The following DIAPH2 variants were observed in gnomAD, a reference collection of about 807,000 sequenced individuals.
DIAPH2 encodes the protein protein diaphanous homolog 2.
DIAPH2 carries 35 observed loss-of-function variants against 92.7 expected under a neutral mutation model. The ratio of observed to expected loss-of-function variants is 0.38; its 90% CI spans 0.29 to 0.50. DIAPH2 has a LOEUF of 0.50. Among genes scored for constraint, DIAPH2 ranks in the 20% least tolerant of loss-of-function variants. DIAPH2 has a pLI of 0.94. For synonymous variants in DIAPH2, 301 were observed against 280.4 expected, an observed-to-expected ratio of 1.07 and a Z score of -0.73; for missense variants, 701 against 819.5, an observed-to-expected ratio of 0.86 and a Z score of 1.77.
At chrX:97,558,225 T>C (rs1394303880) in intron 26 of DIAPH2, among the ~76,000 whole-genome samples, 1 of 111,898 alleles carries the variant, frequency 8.9e-6, no homozygotes, top group Non-Finnish European at 1.9e-5. Flanking sequence ...TTGAGTTAGA[T>C]AATGGTGGTG....
chrX:96,990,646 C>A (rs1238235225), intron 17 of DIAPH2, among the ~76,000 whole-genome samples: 2 of 111,410 alleles, frequency 1.8e-5, no homozygotes, highest in Non-Finnish European at 3.8e-5. Flanking sequence ...ACTTTGATAC[C>A]TGTATACAGT....
At chrX:96,740,030 T>C (rs945956544) in intron 3 of DIAPH2, among the ~76,000 whole-genome samples, 14 of 112,306 alleles carry the variant, frequency 1.2e-4, no homozygotes, top group Non-Finnish European at 2.6e-4. Flanking sequence ...ACTCTGACTT[T>C]TGCATTTATA....
intron 23 of DIAPH2, among the ~76,000 whole-genome samples, chrX:97,264,310 T>C (rs773280224): frequency 4.5e-5 from 5 of 111,631 alleles, no homozygotes; most frequent in Non-Finnish European, 7.5e-5. Context: ...ATAGGTGCTC[T>C]ATAGGCACAG....
At chrX:96,860,011 G>A (rs940300962) in intron 4 of DIAPH2, among the ~76,000 whole-genome samples, 2 of 111,993 alleles carry the variant, frequency 1.8e-5, no homozygotes, top group African/African-American at 6.5e-5. Flanking sequence ...AAATAATGGG[G>A]AGGAAATATA....
intron 23 of DIAPH2, among the ~76,000 whole-genome samples, chrX:97,278,059 T>C (rs1393505729): frequency 8.9e-6 from 1 of 111,916 alleles, no homozygotes; most frequent in Non-Finnish European, 1.9e-5. Flanking sequence ...TTGGCTAGGG[T>C]GGTCTCAATC....
chrX:97,304,220 G>T (rs2068728737), intron 23 of DIAPH2, among the ~76,000 whole-genome samples: 1 of 111,899 alleles, frequency 8.9e-6, no homozygotes, highest in Non-Finnish European at 1.9e-5. Context: ...TAAGGATGTG[G>T]TTTTCAGATC....
intron 26 of DIAPH2, among the ~76,000 whole-genome samples, chrX:97,537,987 C>A (rs1822456270): frequency 1.9e-5 from 2 of 108,061 alleles, no homozygotes; most frequent in East Asian, 5.8e-4. Context: ...CGGGTTCACG[C>A]CATTCTCCTG....
At chrX:97,171,776 T>TA (rs1188780912) in intron 22 of DIAPH2, among the ~76,000 whole-genome samples, 1 of 110,809 alleles carries the variant, frequency 9.0e-6, no homozygotes, top group Non-Finnish European at 1.9e-5. Flanking sequence ...CCGTCTCTAC[T>TA]AAAAATACAA....
chrX:97,004,853 A>C (rs761652662), intron 17 of DIAPH2, among the ~76,000 whole-genome samples: 1 of 112,094 alleles, frequency 8.9e-6, no homozygotes, highest in South Asian at 3.7e-4. Context: ...AACAGTGGTG[A>C]AAGCGGGCAT....
At chrX:97,206,375 T>A (rs769659447) in intron 22 of DIAPH2, among the ~76,000 whole-genome samples, 91 of 112,106 alleles carry the variant, frequency 8.1e-4, no homozygotes, top group African/African-American at 2.8e-3. Context: ...CAGCATTCTT[T>A]AACTCTGTCT....
chrX:97,184,561 G>A (rs986807635), intron 22 of DIAPH2, among the ~76,000 whole-genome samples: 2 of 111,475 alleles, frequency 1.8e-5, no homozygotes, highest in Non-Finnish European at 3.8e-5. Context: ...ACAGTCATAA[G>A]CTGAAATTCT....
At chrX:97,080,429 T>C (rs1326455778) in intron 19 of DIAPH2, among the ~76,000 whole-genome samples, 2 of 109,992 alleles carry the variant, frequency 1.8e-5, no homozygotes, top group South Asian at 7.9e-4. Flanking sequence ...CTACGATGCA[T>C]ACATGGGACT....
intron 22 of DIAPH2, among the ~76,000 whole-genome samples, chrX:97,181,907 T>C (rs976968145): frequency 2.7e-5 from 3 of 112,734 alleles, no homozygotes; most frequent in African/African-American, 9.7e-5. Context: ...GGTGTGTTAA[T>C]AGATCATATT....
At chrX:97,182,999 G>A (rs1260483279) in intron 22 of DIAPH2, among the ~76,000 whole-genome samples, 2 of 111,627 alleles carry the variant, frequency 1.8e-5, no homozygotes, top group Admixed American at 1.9e-4. Flanking sequence ...AAGAACTTTG[G>A]TGAATACCTC....
At chrX:97,376,151 A>G (rs1218093476) in intron 24 of DIAPH2, among the ~76,000 whole-genome samples, 1 of 110,984 alleles carries the variant, frequency 9.0e-6, no homozygotes, top group Non-Finnish European at 1.9e-5. Flanking sequence ...AGGAACCTTC[A>G]TCACTCAGTT....
chrX:97,505,230 A>G (rs776604093), intron 26 of DIAPH2, among the ~76,000 whole-genome samples: 1 of 111,992 alleles, frequency 8.9e-6, no homozygotes, highest in Non-Finnish European at 1.9e-5. Context: ...CTGCTTTGGA[A>G]TCATCATCAT....
intron 23 of DIAPH2, among the ~76,000 whole-genome samples, chrX:97,336,620 A>G (rs1055128617): frequency 9.0e-6 from 1 of 111,314 alleles, no homozygotes; most frequent in Non-Finnish European, 1.9e-5. Flanking sequence ...TCCCCACTCA[A>G]CTGACATCTC....
In DIAPH2 at chrX:97,245,767, G is replaced by A. The variant is rs757138875; in HGVS notation, c.2720-1948G>A. On this transcript the variant is annotated intron_variant, in intron 22 of 26. Transcript: ENST00000324765. Reference sequence around the variant, plus strand: ...GAAAGATCAGATAGTCCTTCCTGCAGGTGTCATTTCTAAAAGTTCTTCAGC... The same window carrying A: ...GAAAGATCAGATAGTCCTTCCTGCAAGTGTCATTTCTAAAAGTTCTTCAGC... 6.3e-5 allele frequency among the ~76,000 whole-genome samples: 7 copies of A among 111,543 alleles called. No homozygotes were observed. The East Asian group carries it at 8.5e-4, about 14-fold the overall frequency.
At chrX:96,716,767 G>A (rs1026569392) in intron 1 of DIAPH2, among the ~76,000 whole-genome samples, 3 of 111,470 alleles carry the variant, frequency 2.7e-5, no homozygotes, top group African/African-American at 9.8e-5. Flanking sequence ...TTGTTTATCA[G>A]TTTTATGGAT....
Sources: gnomAD v4.1 joint callset for allele counts (sites outside exome capture counted in the v4.1 genomes callset) on GRCh38, gnomAD v4.1.1 for gene constraint, MANE v1.5 for transcripts, NCBI Gene and HGNC (gene_info 2026-07-23, HGNC 2026-07-21) for gene names.